CNKSR3: variants seen among roughly 807,000 people sequenced by gnomAD.
The protein encoded by CNKSR3 is CNKSR family member 3.
In CNKSR3, 36 loss-of-function variants were observed where a neutral mutation model predicts 67.7. The ratio of observed to expected loss-of-function variants is 0.53; its 90% CI spans 0.41 to 0.70. CNKSR3 has a LOEUF of 0.70. CNKSR3 is among the 30% of genes least tolerant of loss of function. CNKSR3 has a pLI of 0.00. For missense variants in CNKSR3, 630 were observed against 695.2 expected, an observed-to-expected ratio of 0.91 and a Z score of 1.05; for synonymous variants, 281 against 271.4, an observed-to-expected ratio of 1.04 and a Z score of -0.35.
chr6:154,451,525 GCACACACGCACACGCACAGATGCA>G (rs1785831701), intron 1 of CNKSR3, among the ~76,000 whole-genome samples: 3 of 75,358 alleles, frequency 4.0e-5, no homozygotes, highest in Admixed American at 3.4e-4. Flanking sequence ...GCACACTCGT[GCACACACGCACACGCACAGATGCA>G]CACACACATT....
chr6:154,441,257 A>AG, intron 4 of CNKSR3, 35 bp downstream of exon 4: 1 of 1,281,150 alleles, frequency 7.8e-7, no homozygotes. Flanking sequence ...AAAAAAAAAA[A>AG]AAAAAAAAGA....
At chr6:154,508,943 G>A (rs537805925) in intron 1 of CNKSR3, among the ~76,000 whole-genome samples, 2 of 152,310 alleles carry the variant, frequency 1.3e-5, no homozygotes, top group African/African-American at 4.8e-5. Context: ...CGGTTTGAAA[G>A]ACGACCTGGT....
chr6:154,409,907 C>T (rs528642460), intron 12 of CNKSR3, among the ~76,000 whole-genome samples: 13 of 128,154 alleles, frequency 1.0e-4, no homozygotes, highest in South Asian at 2.4e-4. Context: ...ATTAGCCAGC[C>T]GTGGTGGCGT....
chr6:154,474,368 G>A (rs550033742), intron 1 of CNKSR3, among the ~76,000 whole-genome samples: 3 of 150,006 alleles, frequency 2.0e-5, no homozygotes, highest in South Asian at 2.1e-4. Flanking sequence ...AGCTGAGATC[G>A]CACCACTGCA....
intron 1 of CNKSR3, among the ~76,000 whole-genome samples, chr6:154,509,780 GGCATC>G (rs2114669012): frequency 6.6e-6 from 1 of 152,178 alleles, no homozygotes; most frequent in South Asian, 2.1e-4. Flanking sequence ...TCCCGAGATC[GGCATC>G]CCCAGCCCTC....
chr6:154,422,738 G>T (rs913290070), intron 8 of CNKSR3, 86 bp from the exon 9 acceptor site: 1 of 1,455,400 alleles, frequency 6.9e-7, no homozygotes, highest in Non-Finnish European at 9.6e-7. Flanking sequence ...GGGCAGTCAG[G>T]GTTGTGAGCA....
chr6:154,425,619 G>A (rs1785239468), intron 7 of CNKSR3, among the ~76,000 whole-genome samples: 1 of 152,208 alleles, frequency 6.6e-6, no homozygotes, highest in Non-Finnish European at 1.5e-5. Flanking sequence ...GCTGTGTCAA[G>A]ACTCTTGTCA....
Position 154,441,307 on chromosome 6 carries a change from G to C in CNKSR3, c.492C>G (p.Thr164=), listed in dbSNP as rs1362575329. Residue 164 remains threonine, a synonymous_variant, in exon 4 of 13, where the codon ACC becomes ACG. Transcript: ENST00000607772. ...TACTACTGACCTTCTGGACTGTAGT[G>C]GTCAGGTCCAAGCAAAGCTGGATAA... ...NKIIQLCLDL[T]TTVQKDCFVA... is the part of the protein sequence containing the mutation. The C allele has an allele frequency of 6.2e-7, 1 of 1,607,810 alleles. No individual in the cohort carries two copies. The highest frequency in any genetic ancestry group is 8.5e-7 in the Non-Finnish European group (1 of 1,175,008).
chr6:154,441,452 CA>C, intron 3 of CNKSR3, 73 bp from the exon 4 acceptor site: 15 of 1,047,380 alleles, frequency 1.4e-5, no homozygotes, highest in Non-Finnish European at 2.1e-5. Flanking sequence ...TGTTGGTAAG[CA>C]TAGCTACCCC....
At chr6:154,443,413 G>A (rs930404132) in intron 2 of CNKSR3, among the ~76,000 whole-genome samples, 2 of 150,944 alleles carry the variant, frequency 1.3e-5, no homozygotes, top group African/African-American at 2.4e-5. Flanking sequence ...CTCCTCCCCC[G>A]GTGTGACAAC....
chr6:154,452,047 A>T (rs1785845802), intron 1 of CNKSR3, among the ~76,000 whole-genome samples: 1 of 152,200 alleles, frequency 6.6e-6, no homozygotes, highest in South Asian at 2.1e-4. Flanking sequence ...GCACCAGGAC[A>T]CTCAGAGTCA....
intron 10 of CNKSR3, among the ~76,000 whole-genome samples, chr6:154,413,764 T>C (rs574440847): frequency 6.6e-6 from 1 of 152,232 alleles, no homozygotes; most frequent in South Asian, 2.1e-4. Context: ...TGTTTCTTTT[T>C]TGAGACAGGG....
intron 4 of CNKSR3, among the ~76,000 whole-genome samples, chr6:154,439,762 T>G (rs560175280): frequency 6.6e-6 from 1 of 152,210 alleles, no homozygotes; most frequent in African/African-American, 2.4e-5. Context: ...CATGGTAGCA[T>G]GCACCTGCAG....
At position 154,395,029 on chromosome 6, in the gene CNKSR3, G is replaced by A. The variant is rs1784644453; in HGVS notation, c.*11325C>T. On this transcript the variant is annotated 3_prime_UTR_variant, in exon 13 of 13. Coordinates refer to ENST00000607772, the MANE Select transcript of CNKSR3 (RefSeq NM_173515.4). ...AGGAAAATGCGAAGGCTAAAGACCA[G>A]AGCAAGAGACCAAAATGCAGGGAGT... 1 of 152,334 alleles carries A rather than the reference G, an allele frequency of 6.6e-6. No individual in the cohort carries two copies. The highest frequency in any genetic ancestry group is 1.5e-5 in the Non-Finnish European group (1 of 68,130). The allele number at this position is 152,334 out of a possible 1,614,324, so 9.4% of individuals were successfully genotyped here.
chr6:154,458,934 G>A (rs536649679), intron 1 of CNKSR3, among the ~76,000 whole-genome samples: 2 of 152,212 alleles, frequency 1.3e-5, no homozygotes, highest in East Asian at 1.9e-4. Context: ...AAGATCCATA[G>A]TTCCAACATA....
chr6:154,410,365 T>A lies in CNKSR3; in HGVS notation c.1347A>T (p.Arg449Ser). Reference sequence around the variant, plus strand: ...TACCTTTCCTGCCATGACCTCGAGGTCTGGCAAAAGGGTCCACAATCCCCA... The same window carrying A: ...TACCTTTCCTGCCATGACCTCGAGGACTGGCAAAAGGGTCCACAATCCCCA... ...NWMGIVDPFARPRGHGRKGED... is the reference protein window; with the variant it reads ...NWMGIVDPFASPRGHGRKGED... The change falls in exon 12 of 13, where the codon AGA becomes AGT. Residue 449 changes from arginine (R) to serine (S), a missense_variant. This residue lies in a region of CNKSR3 where 308 missense variants were observed against 299.6 expected (regional missense o/e 1.03). Coordinates refer to ENST00000607772, the MANE Select transcript of CNKSR3 (RefSeq NM_173515.4). 1.9e-6 allele frequency: 3 copies of A among 1,613,940 alleles called. No individual in the cohort carries two copies. Among genetic ancestry groups the A allele is most frequent in the Non-Finnish European group, 2.5e-6 (3 of 1,179,916 alleles).
At chr6:154,410,220 G>A in intron 12 of CNKSR3, 123 bp downstream of exon 12, 2 of 612,614 alleles carry the variant, frequency 3.3e-6, no homozygotes, top group Non-Finnish European at 5.7e-6. Flanking sequence ...GAGAAAACGG[G>A]ACTCAGAAAG....
At chr6:154,455,490 T>A (rs1229335860) in intron 1 of CNKSR3, among the ~76,000 whole-genome samples, 1 of 151,792 alleles carries the variant, frequency 6.6e-6, no homozygotes, top group Non-Finnish European at 1.5e-5. Context: ...TTCTTTCCTT[T>A]TTTTTTTTCA....
intron 5 of CNKSR3, among the ~76,000 whole-genome samples, chr6:154,432,615 C>T (rs1785392362): frequency 6.6e-6 from 1 of 152,188 alleles, no homozygotes. Flanking sequence ...AAATTTTCCC[C>T]TATGTTATCT....
Sources: gnomAD v4.1 joint callset for allele counts (sites outside exome capture counted in the v4.1 genomes callset) on GRCh38, gnomAD v4.1.1 for gene constraint, gnomAD v4.1.1 regional missense constraint, MANE v1.5 for transcripts, NCBI Gene and HGNC (gene_info 2026-07-23, HGNC 2026-07-21) for gene names.